Variants in CC2D2B observed in about 807,000 individuals in gnomAD.
CC2D2B encodes the protein protein CC2D2B.
In CC2D2B, 128 loss-of-function variants were observed where a neutral mutation model predicts 161.2. The observed-to-expected ratio is 0.79, with a 90% CI of 0.69 to 0.92. CC2D2B has a LOEUF of 0.92. CC2D2B is among the 40% of genes least tolerant of loss of function. The pLI is 0.00. For synonymous variants in CC2D2B, 391 were observed against 449.8 expected, an observed-to-expected ratio of 0.87 and a Z score of 1.65; for missense variants, 1,173 against 1,375.1, an observed-to-expected ratio of 0.85 and a Z score of 2.32.
intron 9 of CC2D2B, among the ~76,000 whole-genome samples, chr10:95,944,249 A>G (rs780198172): frequency 1.3e-5 from 2 of 152,214 alleles, no homozygotes; most frequent in Non-Finnish European, 2.9e-5. Context: ...TTATCATACC[A>G]TGAGAGACTA....
At chr10:95,981,426 A>T in intron 17 of CC2D2B, among the ~76,000 whole-genome samples, 1 of 149,098 alleles carries the variant, frequency 6.7e-6, no homozygotes, top group African/African-American at 2.5e-5. Flanking sequence ...AAAAAAGATT[A>T]TCTCATATGA....
At chr10:96,016,155 C>G (rs766014128) in intron 29 of CC2D2B, 46 bp from the exon 30 acceptor site, 1 of 1,297,912 alleles carries the variant, frequency 7.7e-7, no homozygotes, top group Admixed American at 1.8e-5. Flanking sequence ...ACTCAACTTT[C>G]CCGCACTTTT....
intron 15 of CC2D2B, among the ~76,000 whole-genome samples, chr10:95,969,105 G>C (rs2077036875): frequency 6.6e-6 from 1 of 151,694 alleles, no homozygotes; most frequent in South Asian, 2.1e-4. Context: ...TTGATTTGTA[G>C]TGTTCCAAAT....
rs1296100262 is a variant in CC2D2B, at chr10:96,019,459, C to T, written c.3765+122C>T. 101 of 1,059,230 alleles carry T rather than the reference C, an allele frequency of 9.5e-5. 3 individuals are homozygous for T. The South Asian group carries it at 1.5e-3, about 16-fold the overall frequency. The allele number at this position is 1,059,230 out of a possible 1,614,324, so 65.6% of individuals were successfully genotyped here. On this transcript the variant is annotated intron_variant, in intron 31 of 34. Coordinates refer to ENST00000646931, the MANE Select transcript of CC2D2B (RefSeq NM_001349008.3). Reference sequence around the variant, plus strand: ...TATCAGATTCCCTAGGGCATGGGGCCGGGGCAATCTTTTATCACTAAAGCT... The same window carrying T: ...TATCAGATTCCCTAGGGCATGGGGCTGGGGCAATCTTTTATCACTAAAGCT...
intron 10 of CC2D2B, among the ~76,000 whole-genome samples, chr10:95,951,769 G>A (rs959256710): frequency 1.3e-5 from 2 of 151,928 alleles, no homozygotes; most frequent in African/African-American, 4.8e-5. Flanking sequence ...TAGACTCTGG[G>A]TTTATTTTTC....
intron 1 of CC2D2B, among the ~76,000 whole-genome samples, chr10:95,908,686 T>G (rs762579974): frequency 4.0e-5 from 6 of 151,896 alleles, no homozygotes; most frequent in Non-Finnish European, 8.8e-5. Context: ...TTGGCTTCAC[T>G]TTCAGAAAGG....
Position 95,908,024 on chromosome 10 carries a change from G to C in CC2D2B, c.-57G>C, listed in dbSNP as rs2098499040. On this transcript the variant is annotated 5_prime_UTR_variant, in exon 1 of 35. Transcript: ENST00000646931. Reference sequence around the variant, plus strand: ...GTAGATGGTGCGCCCTGCCTTCCCTGCCCAGACGTAAGAAAAGTGCACTGT... The same window carrying C: ...GTAGATGGTGCGCCCTGCCTTCCCTCCCCAGACGTAAGAAAAGTGCACTGT... 6.6e-6 allele frequency: 1 copy of C among 152,308 alleles called. No homozygotes were observed. Among genetic ancestry groups the C allele is most frequent in the Non-Finnish European group, 1.5e-5 (1 of 68,100 alleles). 9.4% of individuals were successfully genotyped at this position (152,308 alleles called of 1,614,324 possible).
intron 18 of CC2D2B, among the ~76,000 whole-genome samples, chr10:95,982,928 C>A (rs1366861912): frequency 6.6e-6 from 1 of 152,076 alleles, no homozygotes; most frequent in Non-Finnish European, 1.5e-5. Context: ...CACGCCACTG[C>A]GCCCAGCTAA....
chr10:95,912,419 A>G (rs2141101476), intron 2 of CC2D2B, among the ~76,000 whole-genome samples: 1 of 152,268 alleles, frequency 6.6e-6, no homozygotes, highest in Non-Finnish European at 1.5e-5. Context: ...TTTGATGCTT[A>G]GGAGAGTGAA....
chr10:95,953,169 T>A (rs1269693108), intron 10 of CC2D2B, among the ~76,000 whole-genome samples: 3 of 152,174 alleles, frequency 2.0e-5, no homozygotes, highest in African/African-American at 4.8e-5. Context: ...TCCTATTCTG[T>A]TACTTGCTTT....
chr10:95,915,577 C>T (rs948634048), intron 2 of CC2D2B, among the ~76,000 whole-genome samples: 8 of 152,018 alleles, frequency 5.3e-5, no homozygotes, highest in African/African-American at 9.7e-5. Context: ...GGGTATGTTT[C>T]TTATATACCC....
intron 26 of CC2D2B, among the ~76,000 whole-genome samples, chr10:96,010,330 G>A (rs2078932036): frequency 6.6e-6 from 1 of 152,106 alleles, no homozygotes; most frequent in South Asian, 2.1e-4. Context: ...AGAGGGCTCT[G>A]CTGTTGGTTT....
chr10:95,955,549 A>C, intron 11 of CC2D2B, 58 bp downstream of exon 11: 1 of 397,218 alleles, frequency 2.5e-6, no homozygotes, highest in Non-Finnish European at 4.4e-6. Flanking sequence ...CTTTAGACAA[A>C]GTACTGCACT....
At chr10:95,966,672 A>G (rs887423912) in intron 14 of CC2D2B, among the ~76,000 whole-genome samples, 1 of 152,108 alleles carries the variant, frequency 6.6e-6, no homozygotes, top group African/African-American at 2.4e-5. Context: ...TCGTTCAGGT[A>G]TAAATAGGTG....
At chr10:95,943,674 A>T (rs2076097620) in intron 9 of CC2D2B, among the ~76,000 whole-genome samples, 1 of 152,172 alleles carries the variant, frequency 6.6e-6, no homozygotes, top group Non-Finnish European at 1.5e-5. Flanking sequence ...CAGTAATAAT[A>T]GCTACTTTAA....
At position 96,003,586 on chromosome 10, in the gene CC2D2B, T is replaced by TTGTGTGTGTGTG. The variant is rs68085058; in HGVS notation, c.2850-534_2850-523dup. 5.5e-3 allele frequency among the ~76,000 whole-genome samples: 702 copies of TTGTGTGTGTGTG among 127,706 alleles called. 6 individuals are homozygous for TTGTGTGTGTGTG. The highest frequency in any genetic ancestry group is 0.016 in the Middle Eastern group (4 of 252). The allele number at this position is 127,706 out of a possible 152,430, so 83.8% of individuals were successfully genotyped here. A position where few individuals can be genotyped will look rare whatever the true frequency, so the allele number is the denominator to read the frequency against. ...ACCGCCTGCCACCAGGCCCGGCTAA[T>TTGTGTGTGTGTG]TGTGTGTGTGTGTGTGTGTGTGTGT... On this transcript the variant is annotated intron_variant, in intron 24 of 34. Coordinates refer to ENST00000646931, the MANE Select transcript of CC2D2B (RefSeq NM_001349008.3).
chr10:95,993,851 T>TAG (rs60372025), intron 22 of CC2D2B, among the ~76,000 whole-genome samples: 9,098 of 97,922 alleles, frequency 0.093, 538 homozygotes, highest in Middle Eastern at 0.16. Flanking sequence ...TATATATATA[T>TAG]AGAGAGAGAG....
chr10:95,909,646 C>T (rs1423273227), intron 1 of CC2D2B, among the ~76,000 whole-genome samples: 2 of 152,156 alleles, frequency 1.3e-5, no homozygotes, highest in Non-Finnish European at 2.9e-5. Flanking sequence ...GATTGGATCA[C>T]AATTAAAGAT....
intron 2 of CC2D2B, chr10:95,919,694 A>C (rs2098522901): frequency 1.3e-5 from 2 of 152,038 alleles, no homozygotes; most frequent in African/African-American, 4.8e-5. Flanking sequence ...GCAAATGATG[A>C]ATCCTGCCAG....
Sources: allele counts gnomAD v4.1 joint callset (sites outside exome capture counted in the v4.1 genomes callset), GRCh38; gene constraint gnomAD v4.1.1; transcripts MANE v1.5; gene names NCBI Gene and HGNC (gene_info 2026-07-23, HGNC 2026-07-21).